Variants in PLEKHA8 observed in about 807,000 individuals in gnomAD.
PLEKHA8 encodes the protein pleckstrin homology domain-containing family A member 8.
PLEKHA8 carries 36 observed loss-of-function variants against 68.2 expected under a neutral mutation model. That is an observed-to-expected ratio of 0.53 (90% CI 0.40 to 0.70). The LOEUF (loss-of-function observed/expected upper bound fraction) is 0.70, where lower values mean the gene tolerates loss of function less well. Ranked by LOEUF, PLEKHA8 falls within the 30% of genes least tolerant of loss-of-function variation. PLEKHA8 has a pLI of 0.00. For missense variants in PLEKHA8, 505 were observed against 615.4 expected (o/e 0.82, Z 1.90); for synonymous variants, 211 against 216.1 (o/e 0.98, Z 0.20).
At chr7:30,050,518 A>G in intron 6 of PLEKHA8, 44 bp downstream of exon 6, 1 of 1,506,178 alleles carries the variant, frequency 6.6e-7, no homozygotes, top group Non-Finnish European at 8.9e-7. Context: ...AAAAAAAATA[A>G]GGATATTGTT....
chr7:30,083,933 T>C lies in PLEKHA8; in HGVS notation c.*5146T>C. ...TGTTTATAGGTGTATATGGAGTCAG[T>C]GTTGATAGGAAGGATGCTCTAGAAG... On this transcript the variant is annotated 3_prime_UTR_variant, in exon 14 of 14. Transcript: ENST00000449726. 1 of 985,466 alleles carries C rather than the reference T, an allele frequency of 1.0e-6. No homozygotes were observed. The highest frequency in any genetic ancestry group is 1.2e-6 in the Non-Finnish European group (1 of 829,898). 61.0% of individuals were successfully genotyped at this position (985,466 alleles called of 1,614,324 possible).
Position 30,129,264 on chromosome 7 carries a change from A to T in PLEKHA8, c.1363-2A>T. 6.2e-7 allele frequency: 1 copy of T among 1,612,836 alleles called. No homozygotes were observed. Among genetic ancestry groups the T allele is most frequent in the Non-Finnish European group, 8.5e-7 (1 of 1,179,866 alleles). On this transcript the variant is annotated splice_acceptor_variant, in intron 13 of 13. Coordinates refer to the PLEKHA8 transcript ENST00000396257. LOFTEE classifies it high-confidence loss of function. ...GTCCTTCCCTCTTTTATCCTGGTGT[A>T]GGTGTAGGAATGTGGGTGTAGACGG...
At chr7:30,031,880 TTA>T (rs141854927) in intron 1 of PLEKHA8, among the ~76,000 whole-genome samples, 1 of 152,286 alleles carries the variant, frequency 6.6e-6, no homozygotes, top group African/African-American at 2.4e-5. Flanking sequence ...CGTCTGAGGT[TTA>T]TGTGAGTGTA....
chr7:30,049,569 AC>A, intron 5 of PLEKHA8, 187 bp downstream of exon 5: 3 of 665,966 alleles, frequency 4.5e-6, no homozygotes, highest in Non-Finnish European at 7.1e-6. Flanking sequence ...TGGCAATTTT[AC>A]CACCTAAACA....
At chr7:30,033,302 A>G (rs1790802953) in intron 1 of PLEKHA8, among the ~76,000 whole-genome samples, 3 of 152,316 alleles carry the variant, frequency 2.0e-5, no homozygotes, top group Non-Finnish European at 4.4e-5. Context: ...AGTCACTCCT[A>G]CACCTACACC....
chr7:30,090,243 C>T, exon 13 of PLEKHA8: 2 of 1,530,618 alleles, frequency 1.3e-6, no homozygotes, highest in Non-Finnish European at 1.8e-6. Flanking sequence ...ACCATTCAGG[C>T]AGAAAAAGCA....
In PLEKHA8 at chr7:30,129,265, G is replaced by C; in HGVS notation, c.1363-1G>C. On this transcript the variant is annotated splice_acceptor_variant, in intron 13 of 13. Transcript: ENST00000396257. LOFTEE classifies it high-confidence loss of function. ...TCCTTCCCTCTTTTATCCTGGTGTA[G>C]GTGTAGGAATGTGGGTGTAGACGGA... 1 of 1,612,848 alleles carries C rather than the reference G, an allele frequency of 6.2e-7. No individual in the cohort carries two copies. Among genetic ancestry groups the C allele is most frequent in the Non-Finnish European group, 8.5e-7 (1 of 1,179,882 alleles).
chr7:30,078,829 TA>T lies in PLEKHA8; in HGVS notation c.*45del, dbSNP rs1253263339. On this transcript the variant is annotated 3_prime_UTR_variant, in exon 14 of 14. Transcript: ENST00000449726. ...CCTCCTAACTTCAGGGAATAAGTGC[TA>T]AAGTGTTTTGTTGCCCTACTTAATT... The T allele has an allele frequency of 3.8e-6, 6 of 1,590,950 alleles. No individual in the cohort carries two copies. The highest frequency in any genetic ancestry group is 4.3e-6 in the Non-Finnish European group (5 of 1,167,800).
At chr7:30,091,282 A>G (rs1331307881), downstream of PLEKHA8, among the ~76,000 whole-genome samples, 4 of 147,072 alleles carry the variant, frequency 2.7e-5, no homozygotes, top group Non-Finnish European at 6.0e-5. Context: ...GTACTTTACT[A>G]TATTGCTTGA....
chr7:30,114,235 C>T (rs1034858783), intron 13 of PLEKHA8, among the ~76,000 whole-genome samples: 2 of 152,176 alleles, frequency 1.3e-5, no homozygotes, highest in Admixed American at 6.5e-5. Flanking sequence ...CTAAAACTTA[C>T]TCTGTGCCAA....
chr7:30,100,592 G>A (rs1246576975), intron 13 of PLEKHA8, among the ~76,000 whole-genome samples: 3 of 151,738 alleles, frequency 2.0e-5, no homozygotes, highest in Admixed American at 6.6e-5. Flanking sequence ...ATCTTATAGA[G>A]GAACACAATT....
downstream of PLEKHA8, among the ~76,000 whole-genome samples, chr7:30,093,017 A>G (rs1795476954): frequency 6.6e-6 from 1 of 152,224 alleles, no homozygotes; most frequent in African/African-American, 2.4e-5. Context: ...AAGTTTTCAA[A>G]TAAGTCCAAG....
chr7:30,052,873 AC>A lies in PLEKHA8; in HGVS notation c.796+8del. 6.4e-7 allele frequency: 1 copy of A among 1,565,858 alleles called. No homozygotes were observed. Among genetic ancestry groups the A allele is most frequent in the Admixed American group, 2.2e-5 (1 of 45,224 alleles). Reference sequence around the variant, plus strand: ...ACAGATGATAATATAACAGGTAAAAACAAAAGTAAAGTCTGAAACAAACCAA... The same window carrying A: ...ACAGATGATAATATAACAGGTAAAAAAAAAGTAAAGTCTGAAACAAACCAA... On this transcript the variant is annotated splice_region_variant and intron_variant, in intron 7 of 13. Coordinates refer to ENST00000449726, the MANE Select transcript of PLEKHA8 (RefSeq NM_001197026.2).
intron 13 of PLEKHA8, among the ~76,000 whole-genome samples, chr7:30,096,072 G>A (rs1795608238): frequency 1.3e-5 from 2 of 152,188 alleles, no homozygotes; most frequent in East Asian, 1.9e-4. Flanking sequence ...AAAGTCATTG[G>A]TAGCTTGATG....
chr7:30,055,109 A>T, intron 8 of PLEKHA8, 148 bp from the exon 9 acceptor site: 1 of 765,386 alleles, frequency 1.3e-6, no homozygotes. Context: ...ATTTTATGAG[A>T]CCATATTAGA....
downstream of PLEKHA8, among the ~76,000 whole-genome samples, chr7:30,092,546 G>A (rs1795458979): frequency 6.6e-6 from 1 of 152,170 alleles, no homozygotes; most frequent in Non-Finnish European, 1.5e-5. Flanking sequence ...GATTCCAGAA[G>A]AATGGCTGAG....
At position 30,043,051 on chromosome 7, in the gene PLEKHA8, G is replaced by C. The variant is rs376803340; in HGVS notation, c.41-2034G>C. ...CAAGGTCTCACTCTCACTCAGGTTG[G>C]AGTGCAGTGGCACAGTCATGGCTCA... On this transcript the variant is annotated intron_variant, in intron 1 of 13. Transcript: ENST00000449726. 3.9e-4 allele frequency among the ~76,000 whole-genome samples: 59 copies of C among 149,788 alleles called. 1 individual carries two copies. In the South Asian group the frequency reaches 0.012, roughly 31 times the overall value.
intron 13 of PLEKHA8, among the ~76,000 whole-genome samples, chr7:30,105,311 TAAAAAAAAAAAA>T (rs59891172): frequency 2.2e-3 from 116 of 53,748 alleles, no homozygotes; most frequent in African/African-American, 7.6e-3. Flanking sequence ...TCTCTATAAT[TAAAAAAAAAAAA>T]AAAAAAAAAA....
At chr7:30,088,394 A>G (rs536933829), downstream of PLEKHA8, among the ~76,000 whole-genome samples, 6 of 152,320 alleles carry the variant, frequency 3.9e-5, no homozygotes, top group Admixed American at 1.3e-4. Context: ...AAGAAAAAAT[A>G]TATGTATCAC....
Sources: allele counts gnomAD v4.1 joint callset (sites outside exome capture counted in the v4.1 genomes callset), GRCh38; gene constraint gnomAD v4.1.1; transcripts MANE v1.5; gene names NCBI Gene and HGNC (gene_info 2026-07-23, HGNC 2026-07-21).